Variants in EPC2 observed in about 807,000 individuals in gnomAD.
The protein encoded by EPC2 is enhancer of polycomb 2.
EPC2 carries 14 observed loss-of-function variants against 92.1 expected under a neutral mutation model. The ratio of observed to expected loss-of-function variants is 0.15; its 90% CI spans 0.10 to 0.24. The LOEUF (loss-of-function observed/expected upper bound fraction) is 0.24, where lower values mean the gene tolerates loss of function less well. Among genes scored for constraint, EPC2 ranks in the 10% least tolerant of loss-of-function variants. The probability of loss-of-function intolerance (pLI) is 1.00; values close to 1 mark genes in which losing one functional copy is unlikely to be tolerated. For missense variants in EPC2, 755 were observed against 971.5 expected (o/e 0.78, Z 2.96); for synonymous variants, 340 against 334.7 (o/e 1.02, Z -0.17).
rs1458492080 is a variant in EPC2 at position 148,780,391 on chromosome 2, TATATC to T, written c.1721-1252_1721-1248del. Among the ~76,000 whole-genome samples the T allele has an allele frequency of 2.6e-5, 4 of 152,314 alleles. No homozygotes were observed. The East Asian group carries it at 7.7e-4, about 29-fold the overall frequency. Reference sequence around the variant, plus strand: ...ATAGACTGTACTAGGCATAACTTGTTATATCTAATTTACCATAAAAAAATTTTTTT... The same window carrying T: ...ATAGACTGTACTAGGCATAACTTGTTTAATTTACCATAAAAAAATTTTTTT... On this transcript the variant is annotated intron_variant, in intron 10 of 13. Transcript: ENST00000258484.
At chr2:148,721,059 T>A (rs1006324885) in intron 2 of EPC2, among the ~76,000 whole-genome samples, 7 of 152,194 alleles carry the variant, frequency 4.6e-5, no homozygotes, top group Non-Finnish European at 2.9e-5. Flanking sequence ...TTGAACAAGC[T>A]GTTGTCTGTT....
chr2:148,729,155 A>T (rs1439460207), intron 2 of EPC2, among the ~76,000 whole-genome samples: 2 of 151,284 alleles, frequency 1.3e-5, no homozygotes, highest in Non-Finnish European at 3.0e-5. Flanking sequence ...AGATGTGATG[A>T]TATCTGTTAC....
Position 148,779,427 on chromosome 2 carries a change from T to G in EPC2, c.1721-2217T>G, listed in dbSNP as rs1574639553. Among the ~76,000 whole-genome samples the G allele has an allele frequency of 2.6e-5, 4 of 152,168 alleles. No individual in the cohort carries two copies. In the South Asian group the frequency reaches 8.3e-4, roughly 32 times the overall value. On this transcript the variant is annotated intron_variant, in intron 10 of 13. Coordinates refer to ENST00000258484, the MANE Select transcript of EPC2 (RefSeq NM_015630.4). ...TGAGACCCTGGGTATACAAAAAATT[T>G]CTAAAATTAGCCAGGTGTGATGCCA...
At chr2:148,693,022 A>G (rs930397759) in intron 2 of EPC2, among the ~76,000 whole-genome samples, 2 of 152,168 alleles carry the variant, frequency 1.3e-5, no homozygotes, top group Non-Finnish European at 2.9e-5. Context: ...TTTTATATGT[A>G]GTCATTTAAA....
intron 11 of EPC2, 123 bp downstream of exon 11, chr2:148,781,903 C>A: frequency 9.1e-7 from 1 of 1,095,384 alleles, no homozygotes; most frequent in South Asian, 1.6e-5. Context: ...GGTCTGTAAC[C>A]TGAATTTCTT....
chr2:148,762,771 A>T lies in EPC2; in HGVS notation c.917A>T (p.Asn306Ile). ...ACTCCAGCAACTCTTCATAATGGAAATCATCACAAAGTTCAAGAATGTAAA... is the reference window on the plus strand; with the variant it reads ...ACTCCAGCAACTCTTCATAATGGAATTCATCACAAAGTTCAAGAATGTAAA... ...YATPATLHNGNHHKVQECKTK... is the reference protein window; with the variant it reads ...YATPATLHNGIHHKVQECKTK... The change falls in exon 6 of 14, where the codon AAT (asparagine) becomes ATT (isoleucine). Residue 306 changes from asparagine (N) to isoleucine (I), a missense_variant. By Grantham distance (149) the Asn-to-Ile change is moderately radical. Around this residue, in one of 4 missense-constraint regions of EPC2, gnomAD observed 509 missense variants for 607.7 expected, o/e 0.84. Transcript: ENST00000258484. The T allele has an allele frequency of 6.2e-7, 1 of 1,609,558 alleles. No homozygotes were observed.
chr2:148,666,907 T>C (rs1681067504), intron 1 of EPC2, among the ~76,000 whole-genome samples: 1 of 151,958 alleles, frequency 6.6e-6, no homozygotes, highest in Non-Finnish European at 1.5e-5. Flanking sequence ...GGTATTTCCT[T>C]CTAAAATGCT....
intron 1 of EPC2, 106 bp from the exon 2 acceptor site, chr2:148,690,108 A>G: frequency 9.1e-7 from 1 of 1,102,646 alleles, no homozygotes; most frequent in East Asian, 2.7e-5. Flanking sequence ...TTTATAATTG[A>G]TTCTTAAAGC....
At chr2:148,666,358 G>C (rs544478161) in intron 1 of EPC2, among the ~76,000 whole-genome samples, 1 of 152,218 alleles carries the variant, frequency 6.6e-6, no homozygotes, top group Non-Finnish European at 1.5e-5. Context: ...GGCCCAGGTT[G>C]GTTTTGAACT....
chr2:148,698,837 T>TTC (rs911656959), intron 2 of EPC2, among the ~76,000 whole-genome samples: 3 of 150,182 alleles, frequency 2.0e-5, no homozygotes, highest in Non-Finnish European at 3.0e-5. Context: ...CCCTTTTTTT[T>TTC]TTTTAAAAAA....
At chr2:148,702,857 T>C (rs1310851755) in intron 2 of EPC2, among the ~76,000 whole-genome samples, 2 of 152,082 alleles carry the variant, frequency 1.3e-5, no homozygotes, top group African/African-American at 4.8e-5. Context: ...TTTAAGCTCA[T>C]CAGGCTATCA....
At chr2:148,726,400 A>T (rs1019368761) in intron 2 of EPC2, among the ~76,000 whole-genome samples, 12 of 152,280 alleles carry the variant, frequency 7.9e-5, no homozygotes, top group African/African-American at 2.9e-4. Context: ...TACCAGCGAC[A>T]GTAGTACAGT....
intron 2 of EPC2, among the ~76,000 whole-genome samples, chr2:148,709,849 A>T (rs1020462542): frequency 3.9e-5 from 6 of 152,256 alleles, no homozygotes; most frequent in African/African-American, 1.4e-4. Context: ...AGTTAATTCA[A>T]GATGGATTAA....
In EPC2 at chr2:148,649,743, C is replaced by T. The variant is rs566501048; in HGVS notation, c.153+4573C>T. ...TCACAAAAGCATATACTCATAGTCACCATGCTGCATATTCAGGGTTCTTAC... is the reference window on the plus strand; with the variant it reads ...TCACAAAAGCATATACTCATAGTCATCATGCTGCATATTCAGGGTTCTTAC... On this transcript the variant is annotated intron_variant, in intron 1 of 13. Transcript: ENST00000258484. Among the ~76,000 whole-genome samples, 4 of 152,308 alleles carry T rather than the reference C, an allele frequency of 2.6e-5. No homozygotes were observed. The South Asian group carries it at 8.3e-4, about 32-fold the overall frequency.
intron 12 of EPC2, 145 bp from the exon 13 acceptor site, chr2:148,784,523 A>G: frequency 1.6e-6 from 1 of 628,070 alleles, no homozygotes; most frequent in Non-Finnish European, 2.7e-6. Context: ...TAGTGATCAG[A>G]AGCTCCCTTT....
intron 2 of EPC2, among the ~76,000 whole-genome samples, chr2:148,691,035 T>A (rs1681634862): frequency 6.6e-6 from 1 of 152,228 alleles, no homozygotes; most frequent in Admixed American, 6.5e-5. Flanking sequence ...GAATCAAATC[T>A]AATGCCTTTA....
At chr2:148,687,283 C>T (rs1241305079) in intron 1 of EPC2, among the ~76,000 whole-genome samples, 1 of 152,220 alleles carries the variant, frequency 6.6e-6, no homozygotes, top group Non-Finnish European at 1.5e-5. Flanking sequence ...CTGGATTAGG[C>T]TTTGGCTTAC....
chr2:148,781,803 G>C, intron 11 of EPC2, 23 bp downstream of exon 11: 1 of 1,612,042 alleles, frequency 6.2e-7, no homozygotes. Flanking sequence ...TTTCGTCATA[G>C]TTACGTTTGT....
intron 1 of EPC2, among the ~76,000 whole-genome samples, chr2:148,683,023 GAATT>G (rs376187935): frequency 3.7e-4 from 56 of 151,494 alleles, no homozygotes; most frequent in African/African-American, 1.4e-3. Context: ...CAAGTTTTCT[GAATT>G]AACACTGCTT....
Sources: gnomAD v4.1 joint callset for allele counts (sites outside exome capture counted in the v4.1 genomes callset) on GRCh38, gnomAD v4.1.1 for gene constraint, gnomAD v4.1.1 regional missense constraint, MANE v1.5 for transcripts, NCBI Gene and HGNC (gene_info 2026-07-23, HGNC 2026-07-21) for gene names.